The following SLC38A3 variants were observed in gnomAD, a reference collection of about 807,000 sequenced individuals.
SLC38A3 encodes the protein sodium-coupled neutral amino acid transporter 3.
In SLC38A3, 17 loss-of-function variants were observed where a neutral mutation model predicts 59.5. That is an observed-to-expected ratio of 0.29 (90% CI 0.20 to 0.43). The LOEUF (loss-of-function observed/expected upper bound fraction) is 0.43, where lower values mean the gene tolerates loss of function less well. Among genes scored for constraint, SLC38A3 ranks in the 20% least tolerant of loss-of-function variants. SLC38A3 has a pLI of 1.00. For missense variants in SLC38A3, 454 were observed against 653.9 expected (o/e 0.69, Z 3.33); for synonymous variants, 238 against 260.3 (o/e 0.91, Z 0.82).
At chr3:50,208,841 C>T (rs938878824) in intron 1 of SLC38A3, among the ~76,000 whole-genome samples, 2 of 152,218 alleles carry the variant, frequency 1.3e-5, no homozygotes, top group Non-Finnish European at 2.9e-5. Flanking sequence ...GAGCTAATGA[C>T]TGTGTTTTCT....
At chr3:50,216,355 T>C (rs1237409355) in intron 7 of SLC38A3, among the ~76,000 whole-genome samples, 2 of 152,224 alleles carry the variant, frequency 1.3e-5, no homozygotes, top group Non-Finnish European at 2.9e-5. Context: ...GAGCCAGGAT[T>C]CTGCCGCTGG....
In SLC38A3 at chr3:50,214,841, G is replaced by A. The variant is rs1359703362; in HGVS notation, c.299+73G>A. On this transcript the variant is annotated intron_variant, in intron 4 of 15. Transcript: ENST00000614032. The surrounding 1 kb of genome is among the most constrained non-coding windows in gnomAD (Gnocchi z 6.0). ...CACCAATCATGACCTCCCAGGACCC[G>A]CCAGTTCCCTGTCCCAGCATCCAGG... 15 of 958,224 alleles carry A rather than the reference G, an allele frequency of 1.6e-5. No homozygotes were observed. The highest frequency in any genetic ancestry group is 2.1e-5 in the Non-Finnish European group (13 of 615,860). The allele number at this position is 958,224 out of a possible 1,614,324, so 59.4% of individuals were successfully genotyped here. A position where few individuals can be genotyped will look rare whatever the true frequency, so the allele number is the denominator to read the frequency against.
rs192860958 is a variant in SLC38A3 at position 50,208,782 on chromosome 3, A to G, written c.-52+3434A>G. Among the ~76,000 whole-genome samples the G allele has an allele frequency of 1.7e-3, 256 of 152,076 alleles. 1 individual carries two copies. The highest frequency in any genetic ancestry group is 2.7e-3 in the Non-Finnish European group (182 of 67,994). ...TTTCCCTGTCACCCTGGGCCGCTGCATCTCTGTCTGTCTGTCTCTGTGTGT... is the reference window on the plus strand; with the variant it reads ...TTTCCCTGTCACCCTGGGCCGCTGCGTCTCTGTCTGTCTGTCTCTGTGTGT... On this transcript the variant is annotated intron_variant, in intron 1 of 15. Transcript: ENST00000614032.
At chr3:50,220,038 G>A in intron 15 of SLC38A3, 35 bp from the exon 16 acceptor site, 1 of 1,600,420 alleles carries the variant, frequency 6.2e-7, no homozygotes, top group Non-Finnish European at 8.5e-7. Context: ...GAACTGCCCT[G>A]ACCTCGGACC....
chr3:50,220,223 C>A lies in SLC38A3; in HGVS notation c.*46C>A. ...GTCTACTCACCCTAGCAGCCCTGCCCAGACTCTTCAGCCCCTGCTCCCATC... is the reference window on the plus strand; with the variant it reads ...GTCTACTCACCCTAGCAGCCCTGCCAAGACTCTTCAGCCCCTGCTCCCATC... On this transcript the variant is annotated 3_prime_UTR_variant, in exon 16 of 16. Transcript: ENST00000614032. 1 of 1,416,516 alleles carries A rather than the reference C, an allele frequency of 7.1e-7. No homozygotes were observed. The highest frequency in any genetic ancestry group is 9.7e-7 in the Non-Finnish European group (1 of 1,027,256). 87.7% of individuals were successfully genotyped at this position (1,416,516 alleles called of 1,614,324 possible).
chr3:50,212,401 T>C (rs1191547157), intron 1 of SLC38A3, among the ~76,000 whole-genome samples: 1 of 152,080 alleles, frequency 6.6e-6, no homozygotes, highest in East Asian at 1.9e-4. Context: ...GGTGGGACAC[T>C]TGGAGGGATG....
In SLC38A3 at chr3:50,218,511, A is replaced by C. The variant is rs752355712; in HGVS notation, c.1037-82A>C. 1.9e-6 allele frequency: 3 copies of C among 1,588,746 alleles called. No homozygotes were observed. The highest frequency in any genetic ancestry group is 2.6e-6 in the Non-Finnish European group (3 of 1,166,274). On this transcript the variant is annotated intron_variant, in intron 12 of 15. Transcript: ENST00000614032. The surrounding 1 kb of genome is among the most constrained non-coding windows in gnomAD (Gnocchi z 5.8). ...GAGGTGAGTCTGCATGCCAATCCCC[A>C]CAGTGTTGGGGTCCCCTAGGCAGCT...
chr3:50,215,532 C>T lies in SLC38A3; in HGVS notation c.374-12C>T, dbSNP rs200018410. The T allele has an allele frequency of 3.1e-6, 5 of 1,613,930 alleles. No homozygotes were observed. The highest frequency in any genetic ancestry group is 4.2e-6 in the Non-Finnish European group (5 of 1,179,850). ...GGGACAAGCTCCTGACTTCTTGACC[C>T]TGCTCCTGCAGGCATCCGTGCCTAT... On this transcript the variant is annotated splice_polypyrimidine_tract_variant and intron_variant, in intron 5 of 15. Coordinates refer to ENST00000614032, the MANE Select transcript of SLC38A3 (RefSeq NM_006841.6). The surrounding 1 kb of genome is among the most constrained non-coding windows in gnomAD (Gnocchi z 7.1).
intron 1 of SLC38A3, among the ~76,000 whole-genome samples, chr3:50,213,608 G>A (rs994736440): frequency 1.1e-4 from 16 of 152,330 alleles, no homozygotes; most frequent in Admixed American, 4.6e-4. Flanking sequence ...AGTGCCCGCC[G>A]GGCGGCTGGG....
At chr3:50,209,975 G>A (rs115100970) in intron 1 of SLC38A3, among the ~76,000 whole-genome samples, 1 of 152,262 alleles carries the variant, frequency 6.6e-6, no homozygotes, top group African/African-American at 2.4e-5. Context: ...TCTAGAGGAG[G>A]GTAAGAGGTG....
In SLC38A3 at chr3:50,217,642, G is replaced by T; in HGVS notation, c.691-34G>T. 1.9e-6 allele frequency: 3 copies of T among 1,611,336 alleles called. No individual in the cohort carries two copies. The highest frequency in any genetic ancestry group is 1.7e-6 in the Non-Finnish European group (2 of 1,178,684). ...TGACTTCCCAGGCAGTCCAGCCTGG[G>T]AGTCTCTGACACCCTCATCCCTCCC... On this transcript the variant is annotated intron_variant, in intron 9 of 15. Coordinates refer to ENST00000614032, the MANE Select transcript of SLC38A3 (RefSeq NM_006841.6). The surrounding 1 kb of genome is among the most constrained non-coding windows in gnomAD (Gnocchi z 4.9).
At position 50,220,149 on chromosome 3, in the gene SLC38A3, G is replaced by A; in HGVS notation, c.1487G>A (p.Gly496Glu). The change falls in exon 16 of 16, where the codon GGG (glycine) becomes GAG (glutamate). Residue 496 changes from glycine (G) to glutamate (E), a missense_variant. By Grantham distance (98) the Gly-to-Glu change is moderately conservative. Coordinates refer to ENST00000614032, the MANE Select transcript of SLC38A3 (RefSeq NM_006841.6). Reference sequence around the variant, plus strand: ...TTCATCATCATTGACTGGGCCTCAGGGACCAGCCGGCATGGAGGAAACCAC... The same window carrying A: ...TTCATCATCATTGACTGGGCCTCAGAGACCAGCCGGCATGGAGGAAACCAC... Reference protein sequence around the residue: ...LSFIIIDWASGTSRHGGNH With the variant: ...LSFIIIDWASETSRHGGNH 2 of 1,598,594 alleles carry A rather than the reference G, an allele frequency of 1.3e-6. No individual in the cohort carries two copies. The highest frequency in any genetic ancestry group is 1.1e-5 in the South Asian group (1 of 88,688).
At position 50,219,980 on chromosome 3, in the gene SLC38A3, T is replaced by C; in HGVS notation, c.1406T>C (p.Ile469Thr). 1 of 1,611,498 alleles carries C rather than the reference T, an allele frequency of 6.2e-7. No individual in the cohort carries two copies. Among genetic ancestry groups the C allele is most frequent in the South Asian group, 1.1e-5 (1 of 90,442 alleles). The change falls in exon 15 of 16, where the codon ATC (isoleucine) becomes ACC (threonine). Residue 469 changes from isoleucine to threonine, a missense_variant. This residue lies in a region of SLC38A3 where 59 missense variants were observed against 70.8 expected (regional missense o/e 0.83). Coordinates refer to ENST00000614032, the MANE Select transcript of SLC38A3 (RefSeq NM_006841.6). ...EKEPARSTPKILALCFAMLGF... is the reference protein window; with the variant it reads ...EKEPARSTPKTLALCFAMLGF... ...GAGCCTGCAAGATCCACCCCCAAAA[T>C]CCTGGTGCGAGGGGCCTGGAGGCCG...
intron 7 of SLC38A3, among the ~76,000 whole-genome samples, chr3:50,216,172 C>T (rs587737274): frequency 2.6e-4 from 40 of 152,344 alleles, no homozygotes; most frequent in African/African-American, 6.7e-4. Flanking sequence ...GTTGCCCCCC[C>T]CAACCAAGAT....
Position 50,217,656 on chromosome 3 carries a change from C to G in SLC38A3, c.691-20C>G. The G allele has an allele frequency of 6.2e-7, 1 of 1,612,926 alleles. No homozygotes were observed. Among genetic ancestry groups the G allele is most frequent in the Non-Finnish European group, 8.5e-7 (1 of 1,179,414 alleles). Reference sequence around the variant, plus strand: ...GTCCAGCCTGGGAGTCTCTGACACCCTCATCCCTCCCCACTCCAGGTCATC... The same window carrying G: ...GTCCAGCCTGGGAGTCTCTGACACCGTCATCCCTCCCCACTCCAGGTCATC... On this transcript the variant is annotated intron_variant, in intron 9 of 15. Transcript: ENST00000614032. The surrounding 1 kb of genome is among the most constrained non-coding windows in gnomAD (Gnocchi z 4.9).
chr3:50,210,907 G>A (rs1318293674), intron 1 of SLC38A3, among the ~76,000 whole-genome samples: 1 of 152,156 alleles, frequency 6.6e-6, no homozygotes, highest in African/African-American at 2.4e-5. Context: ...CTAGCTCCTG[G>A]CCACTCTCTG....
At chr3:50,216,334 G>T (rs1037666544) in intron 7 of SLC38A3, among the ~76,000 whole-genome samples, 1 of 152,362 alleles carries the variant, frequency 6.6e-6, no homozygotes, top group African/African-American at 2.4e-5. Flanking sequence ...GAGTAGCTCC[G>T]GCAAGAGGGA....
chr3:50,213,372 G>T (rs978260572), intron 1 of SLC38A3, among the ~76,000 whole-genome samples: 7 of 152,214 alleles, frequency 4.6e-5, no homozygotes, highest in African/African-American at 1.2e-4. Flanking sequence ...CCAGGACTGT[G>T]TGGAGGGTGA....
chr3:50,215,341 C>G lies in SLC38A3; in HGVS notation c.300-45C>G. 1.3e-6 allele frequency: 2 copies of G among 1,572,960 alleles called. No homozygotes were observed. The highest frequency in any genetic ancestry group is 1.7e-6 in the Non-Finnish European group (2 of 1,142,876). ...CCTCACCCTCTGCCAGCCACGGTAG[C>G]CCCCCAGTGGCCTCTTTTTCTTCCA... On this transcript the variant is annotated intron_variant, in intron 4 of 15. Transcript: ENST00000614032. This position sits in a 1 kb window ranked among gnomAD's most constrained non-coding sequence, Gnocchi z 7.1.
Sources: gnomAD v4.1 joint callset for allele counts (sites outside exome capture counted in the v4.1 genomes callset) on GRCh38, gnomAD v4.1.1 for gene constraint, gnomAD v4.1.1 regional missense constraint, Gnocchi (gnomAD v3.1) non-coding constraint, MANE v1.5 for transcripts, NCBI Gene and HGNC (gene_info 2026-07-23, HGNC 2026-07-21) for gene names.